Variants in IDE observed in about 807,000 individuals in gnomAD.
IDE encodes insulin degrading enzyme.
A neutral mutation model predicts 133.2 loss-of-function variants in IDE; 58 were observed. That is an observed-to-expected ratio of 0.44 (90% CI 0.35 to 0.54). The LOEUF is 0.54. IDE is among the 20% of genes least tolerant of loss of function. IDE has a pLI of 0.00. For synonymous variants in IDE, 396 were observed against 421.3 expected, an observed-to-expected ratio of 0.94 and a Z score of 0.73; for missense variants, 981 against 1,234.0, an observed-to-expected ratio of 0.79 and a Z score of 3.07.
chr10:92,513,114 A>G (rs1232390921), intron 5 of IDE, among the ~76,000 whole-genome samples: 1 of 152,226 alleles, frequency 6.6e-6, no homozygotes, highest in African/African-American at 2.4e-5. Context: ...ATACAACATT[A>G]TTAAATTTCT....
rs374822427 is a variant in IDE, at chr10:92,505,381, GA to G, written c.1327-485del. 4.8e-3 allele frequency among the ~76,000 whole-genome samples: 733 copies of G among 152,228 alleles called. 8 individuals carry two copies. The highest frequency in any genetic ancestry group is 0.017 in the African/African-American group (696 of 41,582). ...ATGGCTTATATTTTTGGCCAGTGTA[GA>G]AAAACAATGCAGAAGATGCTTTTTG... is the stretch of plus-strand genomic sequence containing the variant. On this transcript the variant is annotated intron_variant, in intron 10 of 24. Coordinates refer to ENST00000265986, the MANE Select transcript of IDE (RefSeq NM_004969.4).
intron 9 of IDE, 129 bp from the exon 10 acceptor site, chr10:92,506,651 A>G (rs1848307663): frequency 6.2e-6 from 3 of 486,280 alleles, no homozygotes; most frequent in Non-Finnish European, 1.1e-5. Context: ...CTTTCTGAAA[A>G]AATGGCTATG....
chr10:92,486,771 T>C (rs1385570425), intron 13 of IDE, among the ~76,000 whole-genome samples: 1 of 152,252 alleles, frequency 6.6e-6, no homozygotes, highest in Non-Finnish European at 1.5e-5. Flanking sequence ...TCATAATGAA[T>C]GTTTTTAAGG....
chr10:92,480,965 T>C, intron 14 of IDE: 1 of 885,012 alleles, frequency 1.1e-6, no homozygotes, highest in Non-Finnish European at 1.4e-6. Context: ...ACTTAGAGAA[T>C]TAAAATCAAA....
At chr10:92,513,943 A>T (rs1038010336) in intron 5 of IDE, among the ~76,000 whole-genome samples, 2 of 152,166 alleles carry the variant, frequency 1.3e-5, no homozygotes, top group African/African-American at 4.8e-5. Flanking sequence ...AAGAAAAAGC[A>T]GGTAAGATGG....
At chr10:92,550,650 C>CAAAAAAAAAAAAAAAAAAAAAAAAAAA in intron 1 of IDE, among the ~76,000 whole-genome samples, 1 of 57,430 alleles carries the variant, frequency 1.7e-5, no homozygotes, top group Non-Finnish European at 3.0e-5. Context: ...GACTCCGTCT[C>CAAAAAAAAAAAAAAAAAAAAAAAAAAA]AAAAAAAAAA....
At chr10:92,513,445 G>A (rs896670524) in intron 5 of IDE, among the ~76,000 whole-genome samples, 9 of 152,088 alleles carry the variant, frequency 5.9e-5, no homozygotes, top group Admixed American at 2.6e-4. Context: ...CACCTGCCTC[G>A]GCCTTCCGAA....
chr10:92,539,649 A>T (rs983056296), intron 1 of IDE, among the ~76,000 whole-genome samples: 1 of 152,112 alleles, frequency 6.6e-6, no homozygotes, highest in African/African-American at 2.4e-5. Flanking sequence ...CTGTAGTCCC[A>T]GCTACCTGGG....
chr10:92,555,459 T>C (rs1306002256), intron 1 of IDE, among the ~76,000 whole-genome samples: 1 of 146,644 alleles, frequency 6.8e-6, no homozygotes, highest in Non-Finnish European at 1.5e-5. Context: ...ATAGTGCCAT[T>C]GCACTCCAGC....
At chr10:92,478,906 T>C (rs1212299926) in intron 15 of IDE, 2 of 378,254 alleles carry the variant, frequency 5.3e-6, no homozygotes, top group East Asian at 1.1e-4. Flanking sequence ...TCTAGGGAAA[T>C]AGTATATGCC....
chr10:92,454,873 G>A (rs1302828876), intron 24 of IDE, among the ~76,000 whole-genome samples: 1 of 152,074 alleles, frequency 6.6e-6, no homozygotes, highest in East Asian at 1.9e-4. Flanking sequence ...AGAGGCTGGT[G>A]TGCCCACCCA....
At position 92,507,495 on chromosome 10, in the gene IDE, C is replaced by T. The variant is rs549499971; in HGVS notation, c.1245+80G>A. ...AAAAAACTTTAAAAGTTTAACTGGGCCTTAAATTTAAATTAATTCACATGT... is the reference window on the plus strand; with the variant it reads ...AAAAAACTTTAAAAGTTTAACTGGGTCTTAAATTTAAATTAATTCACATGT... On this transcript the variant is annotated intron_variant, in intron 9 of 24. Transcript: ENST00000265986. The T allele has an allele frequency of 2.9e-4, 232 of 794,906 alleles. No individual in the cohort carries two copies. The South Asian group carries it at 3.1e-3, about 11-fold the overall frequency. The allele number at this position is 794,906 out of a possible 1,614,324, so 49.2% of individuals were successfully genotyped here.
At chr10:92,481,444 A>G (rs1435134127) in intron 14 of IDE, among the ~76,000 whole-genome samples, 1 of 152,190 alleles carries the variant, frequency 6.6e-6, no homozygotes, top group African/African-American at 2.4e-5. Context: ...AAAGAGAACA[A>G]CAAAAACAGC....
intron 4 of IDE, among the ~76,000 whole-genome samples, chr10:92,526,323 T>C (rs1368281334): frequency 6.6e-6 from 1 of 151,974 alleles, no homozygotes; most frequent in Non-Finnish European, 1.5e-5. Flanking sequence ...ACAGATTCAA[T>C]GCAACCCCTA....
chr10:92,567,332 C>T (rs1304926253), intron 1 of IDE, among the ~76,000 whole-genome samples: 1 of 152,150 alleles, frequency 6.6e-6, no homozygotes, highest in African/African-American at 2.4e-5. Context: ...GACTCAAAGT[C>T]ACTCACGCTC....
At chr10:92,498,538 C>T (rs1306742496) in intron 11 of IDE, among the ~76,000 whole-genome samples, 1 of 151,974 alleles carries the variant, frequency 6.6e-6, no homozygotes, top group Non-Finnish European at 1.5e-5. Flanking sequence ...GGTGGATCAC[C>T]TGAGGTCAGG....
At chr10:92,485,121 C>CT (rs1469725925) in intron 13 of IDE, among the ~76,000 whole-genome samples, 2,449 of 100,348 alleles carry the variant, frequency 0.024, 23 homozygotes, top group Admixed American at 0.037. Context: ...TTCTTTCTTT[C>CT]TTTCTTTTTT....
At chr10:92,533,454 T>C (rs1850053994) in intron 3 of IDE, among the ~76,000 whole-genome samples, 1 of 152,144 alleles carries the variant, frequency 6.6e-6, no homozygotes, top group African/African-American at 2.4e-5. Flanking sequence ...TTTTCAATAA[T>C]ATAATAACTA....
intron 5 of IDE, among the ~76,000 whole-genome samples, chr10:92,511,846 T>C (rs1448172766): frequency 6.6e-6 from 1 of 152,144 alleles, no homozygotes; most frequent in Non-Finnish European, 1.5e-5. Context: ...ATGGGACATA[T>C]GACTTGAAAC....
Sources: gnomAD v4.1 joint callset for allele counts (sites outside exome capture counted in the v4.1 genomes callset) on GRCh38, gnomAD v4.1.1 for gene constraint, MANE v1.5 for transcripts, NCBI Gene and HGNC (gene_info 2026-07-23, HGNC 2026-07-21) for gene names.